Variants in NTRK3 observed in about 807,000 individuals in gnomAD.
NTRK3 encodes the protein NT-3 growth factor receptor.
Under a neutral mutation model 91.7 loss-of-function variants are expected in NTRK3, and 24 were observed. The observed-to-expected ratio is 0.26, with a 90% confidence interval of 0.19 to 0.37. The LOEUF is 0.37. NTRK3 is among the 10% of genes least tolerant of loss of function. The pLI is 1.00. For synonymous variants in NTRK3, 483 were observed against 404.0 expected (o/e 1.20, Z -2.34); for missense variants, 880 against 1,068.9 (o/e 0.82, Z 2.46).
chr15:88,255,990 G>C lies in NTRK3; in HGVS notation c.164C>G (p.Pro55Arg). 6.2e-7 allele frequency: 1 copy of C among 1,613,670 alleles called. No homozygotes were observed. Among genetic ancestry groups the C allele is most frequent in the Non-Finnish European group, 8.5e-7 (1 of 1,179,836 alleles). Residue 55 changes from proline (P) to arginine (R), a missense_variant, in exon 3 of 19, where the codon CCC (proline) becomes CGC (arginine). Transcript: ENST00000394480. The surrounding 1 kb of genome is among the most constrained non-coding windows in gnomAD (Gnocchi z 4.3). ...CCCTGAATCCTGCCCTTCCAGGAGG[G>C]GGAAGAGGTTCCCATCGTCCGGCCG...
chr15:88,010,507 G>A (rs1281760320), intron 14 of NTRK3, among the ~76,000 whole-genome samples: 4 of 151,886 alleles, frequency 2.6e-5, no homozygotes, highest in African/African-American at 9.7e-5. Context: ...TTTTCCGGAA[G>A]AAAAGGAAAA....
chr15:88,030,534 A>T (rs554429575), intron 14 of NTRK3, among the ~76,000 whole-genome samples: 151 of 152,312 alleles, frequency 9.9e-4, no homozygotes, highest in Non-Finnish European at 1.9e-3. Flanking sequence ...TCACGAGATC[A>T]TATTCTGCAC....
chr15:88,110,706 A>C (rs1278251166), intron 13 of NTRK3, among the ~76,000 whole-genome samples: 3 of 152,222 alleles, frequency 2.0e-5, no homozygotes, highest in African/African-American at 7.2e-5. Flanking sequence ...CCTCAGTCTT[A>C]GGGAGCATGG....
chr15:87,913,953 C>A (rs2067270233), intron 17 of NTRK3, among the ~76,000 whole-genome samples: 2 of 152,160 alleles, frequency 1.3e-5, no homozygotes, highest in Admixed American at 6.5e-5. Flanking sequence ...AGCCTTGGAA[C>A]TGGATGGTGG....
At chr15:88,177,418 A>T (rs2046100486) in intron 5 of NTRK3, among the ~76,000 whole-genome samples, 1 of 152,218 alleles carries the variant, frequency 6.6e-6, no homozygotes, top group African/African-American at 2.4e-5. Flanking sequence ...GACAATAGAT[A>T]TGAGGATGGA....
intron 6 of NTRK3, among the ~76,000 whole-genome samples, chr15:88,142,252 G>A (rs78052072): frequency 4.2e-4 from 64 of 152,350 alleles, no homozygotes; most frequent in African/African-American, 1.4e-3. Context: ...GCAGTCCTGC[G>A]GAACCTAAAG....
At chr15:87,895,497 T>C (rs755216365) in intron 17 of NTRK3, among the ~76,000 whole-genome samples, 2 of 152,032 alleles carry the variant, frequency 1.3e-5, no homozygotes, top group Non-Finnish European at 2.9e-5. Flanking sequence ...GACTTTGGCA[T>C]AACAAGGAAA....
rs184505893 is a variant in NTRK3 at position 87,944,471 on chromosome 15, C to A, written c.1586-3718G>T. ...AGACTGAGAGATAAGTGTTATTACA[C>A]CCCTTTCACAGGTGAGAAAACAGAG... is the stretch of plus-strand genomic sequence containing the variant. On this transcript the variant is annotated intron_variant, in intron 14 of 18. Transcript: ENST00000394480. 6.6e-5 allele frequency among the ~76,000 whole-genome samples: 10 copies of A among 152,348 alleles called. No individual in the cohort carries two copies. In the East Asian group the frequency reaches 1.9e-3, roughly 29 times the overall value.
At chr15:88,135,907 G>C (rs769555150) in exon 9 of NTRK3, 1 of 1,614,160 alleles carries the variant, frequency 6.2e-7, no homozygotes, top group Admixed American at 1.7e-5. Flanking sequence ...ACAGTAGACA[G>C]TGAGGGCAAC....
chr15:88,069,397 G>A (rs577028074), intron 13 of NTRK3, among the ~76,000 whole-genome samples: 1 of 152,186 alleles, frequency 6.6e-6, no homozygotes, highest in Non-Finnish European at 1.5e-5. Context: ...AAGAATTAAA[G>A]GTATTAATTA....
chr15:88,244,714 A>T (rs1302185649), intron 3 of NTRK3, among the ~76,000 whole-genome samples: 4 of 152,196 alleles, frequency 2.6e-5, no homozygotes, highest in Non-Finnish European at 5.9e-5. Context: ...GGAGGCTCTC[A>T]TGAGTGGATT....
At chr15:87,916,235 TTACAGC>T in intron 17 of NTRK3, 1 of 281,810 alleles carries the variant, frequency 3.5e-6, no homozygotes, top group Non-Finnish European at 6.7e-6. Context: ...AATATCTTAA[TTACAGC>T]TAGTAAAGAA....
chr15:88,209,956 C>T (rs1424351340), intron 3 of NTRK3: 1 of 152,330 alleles, frequency 6.6e-6, no homozygotes, highest in African/African-American at 2.4e-5. Flanking sequence ...TCCCTCATCC[C>T]CTTCCCTACC....
chr15:87,914,243 T>C (rs767933601), intron 17 of NTRK3, among the ~76,000 whole-genome samples: 2 of 152,230 alleles, frequency 1.3e-5, no homozygotes, highest in African/African-American at 2.4e-5. Context: ...TGTGCAATAA[T>C]AAATTTCCTT....
Position 88,243,521 on chromosome 15 carries a change from C to A in NTRK3, c.248+12385G>T. ...CCTACCCCTGCTTCTCACTTGATCC[C>A]ATCCCCCATAGCATGCACACACACA... On this transcript the variant is annotated intron_variant, in intron 3 of 18. Coordinates refer to ENST00000394480, the Ensembl canonical transcript of NTRK3. The surrounding 1 kb of genome is among the most constrained non-coding windows in gnomAD (Gnocchi z 4.8). 7.1e-6 allele frequency among the ~76,000 whole-genome samples: 1 copy of A among 139,974 alleles called. No homozygotes were observed. Among genetic ancestry groups the A allele is most frequent in the Middle Eastern group, 3.5e-3 (1 of 282 alleles). 91.8% of individuals were successfully genotyped at this position (139,974 alleles called of 152,430 possible).
At chr15:88,100,362 G>A (rs887233356) in intron 13 of NTRK3, among the ~76,000 whole-genome samples, 3 of 152,196 alleles carry the variant, frequency 2.0e-5, no homozygotes, top group Admixed American at 1.3e-4. Flanking sequence ...CATCTGGAGA[G>A]CCATATGCAG....
At chr15:87,979,294 G>T in intron 14 of NTRK3, 1 of 1,318,206 alleles carries the variant, frequency 7.6e-7, no homozygotes, top group South Asian at 1.2e-5. Context: ...ACCTCTCAGA[G>T]GGCCCAGCCT....
At chr15:87,978,879 C>T (rs1288342984) in intron 14 of NTRK3, 4 of 266,518 alleles carry the variant, frequency 1.5e-5, no homozygotes, top group Admixed American at 9.6e-5. Context: ...GGTTGCAGGG[C>T]GACGAGGTCA....
At chr15:88,013,372 C>T (rs760862384) in intron 14 of NTRK3, among the ~76,000 whole-genome samples, 11 of 152,200 alleles carry the variant, frequency 7.2e-5, no homozygotes, top group Admixed American at 1.3e-4. Flanking sequence ...TGGACCATCG[C>T]CAGTGTTGGT....
Sources: allele counts gnomAD v4.1 joint callset (sites outside exome capture counted in the v4.1 genomes callset), GRCh38; gene constraint gnomAD v4.1.1; non-coding constraint Gnocchi (gnomAD v3.1); transcripts MANE v1.5; gene names NCBI Gene and HGNC (gene_info 2026-07-23, HGNC 2026-07-21).